Variants in DYSF observed in about 807,000 individuals in gnomAD.
DYSF encodes the protein dysferlin, also known as dystrophy-associated fer-1-like 1.
A neutral mutation model predicts 274.9 loss-of-function variants in DYSF; 212 were observed. The ratio of observed to expected loss-of-function variants is 0.77; its 90% confidence interval spans 0.69 to 0.86. The LOEUF (loss-of-function observed/expected upper bound fraction) is 0.86. Among genes scored for constraint, DYSF ranks in the 40% least tolerant of loss-of-function variants. DYSF has a pLI of 0.00. For missense variants in DYSF, 2,666 were observed against 2,783.2 expected, an observed-to-expected ratio of 0.96 and a Z score of 0.95; for synonymous variants, 1,091 against 1,078.7, an observed-to-expected ratio of 1.01 and a Z score of -0.22.
At position 71,669,108 on chromosome 2, in the gene DYSF, C is replaced by T. The variant is rs373098428; in HGVS notation, c.5547-4C>T. The stretch of plus-strand genomic sequence containing the variant: ...AGGTGGATTAGAGTGATACCTTTCC[C>T]CAGGTTTTTCCTGCGTTGTATTATC... On this transcript the variant is annotated splice_region_variant and splice_polypyrimidine_tract_variant and intron_variant, in intron 49 of 55. Coordinates refer to ENST00000410020, the MANE Select transcript of DYSF (RefSeq NM_001130987.2). 6.3e-5 allele frequency: 100 copies of T among 1,591,264 alleles called. No homozygotes were observed. Among genetic ancestry groups the T allele is most frequent in the Non-Finnish European group, 8.4e-5 (98 of 1,167,918 alleles).
At chr2:71,586,757 C>G (rs760994821) in intron 30 of DYSF, among the ~76,000 whole-genome samples, 1 of 152,038 alleles carries the variant, frequency 6.6e-6, no homozygotes, top group Non-Finnish European at 1.5e-5. Flanking sequence ...CATCCGCGAG[C>G]AGGGAGGTCC....
At chr2:71,484,737 T>C (rs1235187230) in intron 3 of DYSF, among the ~76,000 whole-genome samples, 2 of 152,246 alleles carry the variant, frequency 1.3e-5, no homozygotes, top group Non-Finnish European at 2.9e-5. Flanking sequence ...ATTAGTTCTC[T>C]GTAGGGAGAT....
intron 26 of DYSF, among the ~76,000 whole-genome samples, chr2:71,569,049 G>C (rs1455289956): frequency 6.6e-6 from 1 of 151,830 alleles, no homozygotes; most frequent in African/African-American, 2.4e-5. Flanking sequence ...ATTTTATTTT[G>C]TATTTTAGTA....
intron 32 of DYSF, among the ~76,000 whole-genome samples, chr2:71,592,259 C>T (rs1452252001): frequency 6.6e-6 from 1 of 152,188 alleles, no homozygotes; most frequent in African/African-American, 2.4e-5. Flanking sequence ...CCTATGCTCC[C>T]CTCTGGAGAC....
intron 40 of DYSF, among the ~76,000 whole-genome samples, 164 bp downstream of exon 40, chr2:71,613,574 C>G (rs567399670): frequency 1.1e-4 from 16 of 152,296 alleles, no homozygotes; most frequent in Non-Finnish European, 2.4e-4. Context: ...CAGATGGGAG[C>G]TTTCAGTCTG....
At chr2:71,625,809 T>G (rs1382731835) in intron 41 of DYSF, among the ~76,000 whole-genome samples, 3 of 152,100 alleles carry the variant, frequency 2.0e-5, no homozygotes, top group African/African-American at 4.8e-5. Flanking sequence ...TATTTAGGCC[T>G]TCTTTAATGG....
intron 41 of DYSF, among the ~76,000 whole-genome samples, chr2:71,639,328 T>C (rs2094453062): frequency 2.0e-5 from 3 of 151,968 alleles, no homozygotes; most frequent in Admixed American, 2.0e-4. Flanking sequence ...TGTTGTTCTT[T>C]ATTTAAAAAT....
intron 1 of DYSF, among the ~76,000 whole-genome samples, chr2:71,469,996 G>A (rs2081859753): frequency 6.6e-6 from 1 of 152,112 alleles, no homozygotes; most frequent in Non-Finnish European, 1.5e-5. Context: ...TAGGTGCTTG[G>A]ATGCATACAA....
chr2:71,490,623 G>A (rs62143771), intron 3 of DYSF, among the ~76,000 whole-genome samples: 56,141 of 152,138 alleles, frequency 0.37, 11,546 homozygotes, highest in Non-Finnish European at 0.47. Flanking sequence ...CACTGCGCCC[G>A]GCCTGGTGCA....
At chr2:71,604,226 C>T (rs1190121253) in intron 36 of DYSF, among the ~76,000 whole-genome samples, 1 of 152,182 alleles carries the variant, frequency 6.6e-6, no homozygotes, top group Non-Finnish European at 1.5e-5. Context: ...AGCCCTGGGA[C>T]CCCTAGCTCA....
chr2:71,650,394 T>C lies in DYSF; in HGVS notation c.4627-5768T>C, dbSNP rs1381159824. 2.6e-5 allele frequency among the ~76,000 whole-genome samples: 4 copies of C among 152,234 alleles called. No individual in the cohort carries two copies. In the East Asian group the frequency reaches 7.7e-4, roughly 29 times the overall value. ...TACTCAGGAGGCTGAGACAGGAGAA[T>C]CGCTTGAACCTGGGAGGTGGACATT... is the stretch of plus-strand genomic sequence containing the variant. On this transcript the variant is annotated intron_variant, in intron 42 of 55. Coordinates refer to ENST00000410020, the MANE Select transcript of DYSF (RefSeq NM_001130987.2).
At chr2:71,482,090 C>G (rs2082962734) in intron 3 of DYSF, 120 bp downstream of exon 3, 1 of 779,428 alleles carries the variant, frequency 1.3e-6, no homozygotes, top group Non-Finnish European at 2.2e-6. Flanking sequence ...TTATCCACCT[C>G]CTCCCATGGG....
At chr2:71,552,191 T>A (rs2090997943) in intron 19 of DYSF, among the ~76,000 whole-genome samples, 1 of 152,130 alleles carries the variant, frequency 6.6e-6, no homozygotes, top group Admixed American at 6.5e-5. Flanking sequence ...AGCTGGGCCT[T>A]GTGTCCAGGA....
At chr2:71,508,461 C>T (rs2085733073) in intron 4 of DYSF, among the ~76,000 whole-genome samples, 1 of 152,210 alleles carries the variant, frequency 6.6e-6, no homozygotes, top group African/African-American at 2.4e-5. Flanking sequence ...TCTTCAGTTT[C>T]CTTCCATTTG....
At chr2:71,612,603 G>A (rs756503909) in intron 38 of DYSF, 38 bp from the exon 39 acceptor site, 13 of 1,609,736 alleles carry the variant, frequency 8.1e-6, no homozygotes, top group Non-Finnish European at 1.1e-5. Flanking sequence ...CTTCCCAGAG[G>A]GGGATTCAGG....
intron 19 of DYSF, 127 bp from the exon 20 acceptor site, chr2:71,552,884 C>A: frequency 1.1e-6 from 1 of 923,556 alleles, no homozygotes; most frequent in Non-Finnish European, 1.7e-6. Context: ...ACTTGCCACC[C>A]GTCAGTCCAG....
At chr2:71,550,942 A>C (rs542138231) in intron 17 of DYSF, 99 bp from the exon 18 acceptor site, 5 of 974,126 alleles carry the variant, frequency 5.1e-6, no homozygotes, top group Non-Finnish European at 8.3e-6. Flanking sequence ...GTGGGGGGGA[A>C]CTGAGGGCCA....
intron 43 of DYSF, 63 bp downstream of exon 43, chr2:71,656,353 T>TGAA: frequency 6.2e-7 from 1 of 1,608,294 alleles, no homozygotes; most frequent in East Asian, 2.2e-5. Context: ...GAGCAATAAG[T>TGAA]GAAGGGGAGG....
At chr2:71,466,641 GA>G, upstream of DYSF, 1 of 1,303,060 alleles carries the variant, frequency 7.7e-7, no homozygotes, top group Non-Finnish European at 9.8e-7. Context: ...GCCGGAGGGG[GA>G]GGGTCCGCCC....
Sources: gnomAD v4.1 joint callset for allele counts (sites outside exome capture counted in the v4.1 genomes callset) on GRCh38, gnomAD v4.1.1 for gene constraint, MANE v1.5 for transcripts, NCBI Gene and HGNC (gene_info 2026-07-23, HGNC 2026-07-21) for gene names.